STK32A: variants seen among roughly 807,000 people sequenced by gnomAD.
STK32A encodes the protein serine/threonine kinase 32A, also known as serine/threonine-protein kinase 32A.
A neutral mutation model predicts 53.2 loss-of-function variants in STK32A; 41 were observed. The observed-to-expected ratio is 0.77, with a 90% CI of 0.60 to 1.00. The LOEUF is 1.00. STK32A is among the 50% of genes least tolerant of loss of function. STK32A has a pLI of 0.00. For synonymous variants in STK32A, 166 were observed against 162.8 expected (o/e 1.02, Z -0.15); for missense variants, 458 against 485.8 (o/e 0.94, Z 0.54).
intron 3 of STK32A, 59 bp from the exon 4 acceptor site, chr5:147,279,188 C>G: frequency 6.6e-7 from 1 of 1,518,982 alleles, no homozygotes; most frequent in East Asian, 2.3e-5. Flanking sequence ...TGTTCTGTCT[C>G]TCATCACCAT....
chr5:147,373,692 G>T (rs1306334614), intron 10 of STK32A, among the ~76,000 whole-genome samples: 1 of 152,128 alleles, frequency 6.6e-6, no homozygotes, highest in Non-Finnish European at 1.5e-5. Flanking sequence ...ATTGAAAATT[G>T]TTGGAGTTGG....
Position 147,279,225 on chromosome 5 carries a change from TCA to T in STK32A, c.109-20_109-19del. On this transcript the variant is annotated intron_variant, in intron 3 of 12. Transcript: ENST00000397936. ...ATCCATTATCTCCCTAATCACTCTCTCACTCGGGTTTTCACCATTAGGTCTGC... is the reference window on the plus strand; with the variant it reads ...ATCCATTATCTCCCTAATCACTCTCTCTCGGGTTTTCACCATTAGGTCTGC... 1.1e-5 allele frequency: 17 copies of T among 1,594,230 alleles called. No individual in the cohort carries two copies. Among genetic ancestry groups the T allele is most frequent in the Non-Finnish European group, 1.4e-5 (16 of 1,166,486 alleles).
intron 1 of STK32A, among the ~76,000 whole-genome samples, chr5:147,238,837 A>G (rs1221337830): frequency 6.6e-6 from 1 of 151,840 alleles, no homozygotes; most frequent in African/African-American, 2.4e-5. Flanking sequence ...AATGTTGTAT[A>G]TAAACATAAT....
At chr5:147,391,389 A>G (rs1477077656), downstream of STK32A, 1 of 152,586 alleles carries the variant, frequency 6.6e-6, no homozygotes, top group Non-Finnish European at 1.5e-5. Context: ...CACCCTTTCC[A>G]CTACCCAAGC....
chr5:147,259,538 T>A (rs1017125623), intron 2 of STK32A, among the ~76,000 whole-genome samples: 29 of 121,588 alleles, frequency 2.4e-4, no homozygotes, highest in African/African-American at 2.2e-4. Flanking sequence ...AAATTTACCC[T>A]GGCTTTTTTT....
chr5:147,261,554 G>C (rs968101177), intron 2 of STK32A, among the ~76,000 whole-genome samples: 3 of 152,104 alleles, frequency 2.0e-5, no homozygotes, highest in African/African-American at 7.2e-5. Flanking sequence ...GAGTCAGGGT[G>C]GAGTAGGTAA....
intron 2 of STK32A, among the ~76,000 whole-genome samples, chr5:147,260,470 G>C (rs2400286): frequency 0.33 from 50,442 of 151,732 alleles, 9,082 homozygotes; most frequent in Admixed American, 0.41. Flanking sequence ...AAGAAGAAAG[G>C]GGGGGTTTAT....
intron 5 of STK32A, chr5:147,342,749 T>C: frequency 2.2e-6 from 1 of 453,438 alleles, no homozygotes; most frequent in Non-Finnish European, 3.9e-6. Context: ...AGTTTTTGAA[T>C]GAGAGAGGCC....
At chr5:147,297,538 C>T (rs1247508361) in intron 4 of STK32A, among the ~76,000 whole-genome samples, 1 of 152,110 alleles carries the variant, frequency 6.6e-6, no homozygotes, top group African/African-American at 2.4e-5. Flanking sequence ...GCAGTTTGAG[C>T]ATATAAAGGA....
chr5:147,389,286 GCT>G (rs1432563381), downstream of STK32A, among the ~76,000 whole-genome samples: 1 of 152,140 alleles, frequency 6.6e-6, no homozygotes. Flanking sequence ...CACAGCCACG[GCT>G]CTTTTTGCCT....
chr5:147,337,822 A>G (rs2151985639), intron 5 of STK32A, among the ~76,000 whole-genome samples: 1 of 152,334 alleles, frequency 6.6e-6, no homozygotes, highest in African/African-American at 2.4e-5. Context: ...GACAAGGTCA[A>G]TAATTGGTGG....
At chr5:147,323,858 A>G in intron 4 of STK32A, 40 bp from the exon 5 acceptor site, 1 of 1,539,222 alleles carries the variant, frequency 6.5e-7, no homozygotes, top group Non-Finnish European at 8.9e-7. Flanking sequence ...TTTAATGTGT[A>G]AATATATTTG....
chr5:147,275,587 G>A (rs994001699), intron 2 of STK32A, among the ~76,000 whole-genome samples: 1 of 152,120 alleles, frequency 6.6e-6, no homozygotes, highest in Non-Finnish European at 1.5e-5. Flanking sequence ...GCCTCCCAAA[G>A]TGCTGGGATT....
intron 5 of STK32A, among the ~76,000 whole-genome samples, chr5:147,335,439 C>T (rs1235526761): frequency 6.6e-6 from 1 of 152,126 alleles, no homozygotes; most frequent in East Asian, 1.9e-4. Flanking sequence ...TGGTTTCTTT[C>T]ACTCTCTTCT....
chr5:147,322,903 T>A (rs1323058640), intron 4 of STK32A, among the ~76,000 whole-genome samples: 1 of 152,174 alleles, frequency 6.6e-6, no homozygotes, highest in Non-Finnish European at 1.5e-5. Flanking sequence ...TGCAGATGCG[T>A]GCACAGGGTC....
At chr5:147,389,496 G>A (rs563058529), downstream of STK32A, among the ~76,000 whole-genome samples, 14 of 152,224 alleles carry the variant, frequency 9.2e-5, no homozygotes, top group East Asian at 1.4e-3. Context: ...TCTTTTTAGC[G>A]GGAACTATTG....
intron 4 of STK32A, among the ~76,000 whole-genome samples, chr5:147,311,416 C>A (rs989951158): frequency 2.0e-5 from 3 of 152,084 alleles, no homozygotes; most frequent in Non-Finnish European, 4.4e-5. Context: ...CATTAAGTAC[C>A]AAGCTATATG....
chr5:147,372,710 A>T (rs1442355535), intron 9 of STK32A, among the ~76,000 whole-genome samples: 1 of 152,160 alleles, frequency 6.6e-6, no homozygotes, highest in Non-Finnish European at 1.5e-5. Flanking sequence ...ATGTATTTTA[A>T]TTAGTTGTAA....
intron 4 of STK32A, among the ~76,000 whole-genome samples, chr5:147,292,453 G>T (rs1752640833): frequency 1.3e-5 from 2 of 152,088 alleles, no homozygotes; most frequent in Admixed American, 1.3e-4. Flanking sequence ...TTTCAATTTT[G>T]CTCATAAAAG....
Sources: gnomAD v4.1 joint callset for allele counts (sites outside exome capture counted in the v4.1 genomes callset) on GRCh38, gnomAD v4.1.1 for gene constraint, MANE v1.5 for transcripts, NCBI Gene and HGNC (gene_info 2026-07-23, HGNC 2026-07-21) for gene names.